Variants in PKD1 observed in about 807,000 individuals in gnomAD.
The protein encoded by PKD1 is polycystin 1, transient receptor potential channel interacting, also known as polycystin-1.
A neutral mutation model predicts 361.7 loss-of-function variants in PKD1; 81 were observed. That is an observed-to-expected ratio of 0.22 (90% CI 0.19 to 0.27). The LOEUF is 0.27. Among genes scored for constraint, PKD1 ranks in the 10% least tolerant of loss-of-function variants. The pLI, the probability that PKD1 is intolerant of heterozygous loss-of-function variation, is 1.00. For missense variants in PKD1, 6,399 were observed against 6,118.3 expected (o/e 1.05, Z -1.53); for synonymous variants, 3,615 against 2,818.3 (o/e 1.28, Z -8.95).
chr16:2,105,491 G>A lies in PKD1; in HGVS notation c.7864-17C>T, dbSNP rs1332479976. The A allele has an allele frequency of 2.5e-6, 4 of 1,594,980 alleles. No homozygotes were observed. The highest frequency in any genetic ancestry group is 3.4e-6 in the Non-Finnish European group (4 of 1,178,976). On this transcript the variant is annotated splice_polypyrimidine_tract_variant and intron_variant, in intron 20 of 45. Transcript: ENST00000262304. ...CCGCTCGTACTGGGGCAGGCAGGGG[G>A]CACAGCAAGCTGTCAGCAGCGCAGG...
intron 1 of PKD1, among the ~76,000 whole-genome samples, chr16:2,122,498 C>T (rs1224142686): frequency 1.3e-5 from 2 of 152,220 alleles, no homozygotes; most frequent in Non-Finnish European, 2.9e-5. Context: ...CCCCACTGCC[C>T]ATAAGGATGG....
In PKD1 at chr16:2,106,246, G is replaced by A. The variant is rs748161282; in HGVS notation, c.7548C>T (p.Arg2516=). 4 of 1,610,150 alleles carry A rather than the reference G, an allele frequency of 2.5e-6. No homozygotes were observed. Among genetic ancestry groups the A allele is most frequent in the Non-Finnish European group, 2.5e-6 (3 of 1,179,576 alleles). ...ACTCCTCGCAGTGGCCCTGGCGACA[G>A]CGCCGCAGCAGCAGGGCGTACACCA... is the stretch of plus-strand genomic sequence containing the variant. The part of the protein sequence containing the change: ...APLVYALLLR[R]CRQGHCEEFC... Residue 2516 remains arginine, a synonymous_variant, in exon 19 of 46, where the codon CGC becomes CGT. Transcript: ENST00000262304. This position sits in a 1 kb window ranked among gnomAD's most constrained non-coding sequence, Gnocchi z 6.5.
rs917723242 is a variant in PKD1 at position 2,125,905 on chromosome 16, G to A, written c.216-6527C>T. The stretch of plus-strand genomic sequence containing the variant: ...CTGATGGGCACACTGAGGCTCAAGG[G>A]GCCCTCCTCCTCCCCCAACACCATC... On this transcript the variant is annotated intron_variant, in intron 1 of 45. Coordinates refer to ENST00000262304, the MANE Select transcript of PKD1 (RefSeq NM_001009944.3). Among the ~76,000 whole-genome samples the A allele has an allele frequency of 2.0e-5, 3 of 152,120 alleles. No homozygotes were observed. The East Asian group carries it at 5.8e-4, about 29-fold the overall frequency.
chr16:2,116,778 G>C, intron 7 of PKD1, 55 bp downstream of exon 7: 2 of 1,200,412 alleles, frequency 1.7e-6, no homozygotes, highest in Admixed American at 2.0e-5. Context: ...GCGGGCGCTC[G>C]GCAGGCCCCT....
Position 2,113,199 on chromosome 16 carries a change from T to C in PKD1, c.2947A>G (p.Asn983Asp). 2.3e-6 allele frequency: 3 copies of C among 1,319,548 alleles called. No homozygotes were observed. Among genetic ancestry groups the C allele is most frequent in the South Asian group, 2.3e-5 (2 of 85,594 alleles). The allele number at this position is 1,319,548 out of a possible 1,614,324, so 81.7% of individuals were successfully genotyped here. A position where few individuals can be genotyped will look rare whatever the true frequency, so the allele number is the denominator to read the frequency against. The change falls in exon 12 of 46, where the codon AAT becomes GAT. Residue 983 changes from asparagine to aspartate, a missense_variant. By Grantham distance (23) the Asn-to-Asp change is conservative. Transcript: ENST00000262304. ...ACCGCCGCGCTCTGATAAATGACAT[T>C]GAAGACCACGTTCTGGAAGGTCAGG... ...QSLTFQNVVF[N>D]VIYQSAAVFK...
At chr16:2,128,774 G>A (rs2092830128) in intron 1 of PKD1, among the ~76,000 whole-genome samples, 1 of 151,896 alleles carries the variant, frequency 6.6e-6, no homozygotes, top group African/African-American at 2.4e-5. Context: ...GTGCAATCTT[G>A]CCTCACTGCG....
Position 2,090,114 on chromosome 16 carries a change from C to G in PKD1, c.12525G>C (p.Val4175=). ...CATCGGAGCCAGCGCTGGGTGGGGG[C>G]ACATCCGGGGATACCTTGGAGCCCC... ...SSRGSKVSPD[V]PPPSAGSDAS... Residue 4175 remains valine (V), a synonymous_variant, in exon 46 of 46, where the codon GTG becomes GTC. Coordinates refer to ENST00000262304, the MANE Select transcript of PKD1 (RefSeq NM_001009944.3). The G allele has an allele frequency of 6.2e-7, 1 of 1,601,850 alleles. No individual in the cohort carries two copies. Among genetic ancestry groups the G allele is most frequent in the Non-Finnish European group, 8.5e-7 (1 of 1,172,986 alleles).
Position 2,092,146 on chromosome 16 carries a change from G to A in PKD1, c.11312C>T (p.Ser3771Leu), listed in dbSNP as rs757584312. 26 of 1,612,404 alleles carry A rather than the reference G, an allele frequency of 1.6e-5. No individual in the cohort carries two copies. Among genetic ancestry groups the A allele is most frequent in the Non-Finnish European group, 1.8e-5 (21 of 1,179,830 alleles). Residue 3771 changes from serine to leucine, a missense_variant, in exon 40 of 46, where the codon TCG (serine) becomes TTG (leucine). By Grantham distance (145) the Ser-to-Leu change is moderately radical. Coordinates refer to ENST00000262304, the MANE Select transcript of PKD1 (RefSeq NM_001009944.3). ...GCTGGTGCTGAAGCCTCCTGCGGCC[G>A]AGCACGTGTGGACCCTGGGGCCGGG... is the stretch of plus-strand genomic sequence containing the variant. ...DPPGPRVHTC[S>L]AAGGFSTSDY...
chr16:2,094,864 G>A (rs572616965), intron 34 of PKD1: 5 of 153,576 alleles, frequency 3.3e-5, no homozygotes, highest in South Asian at 2.1e-4. Context: ...GCCGAGTCCC[G>A]GGCTCTCAGG....
rs773274334 is a variant in PKD1 at position 2,103,874 on chromosome 16, C to G, written c.8183G>C (p.Ser2728Thr). ...GGGCTGTGGTGCCCGCACGTCCGAG[C>G]TGGCCAGGTGGATGAGGTCTCCTGC... The part of the protein sequence containing the change: ...NITGDLIHLA[S>T]SDVRAPQPSE... Residue 2728 changes from serine (S) to threonine (T), a missense_variant, in exon 23 of 46, where the codon AGC becomes ACC. By Grantham distance (58) the Ser-to-Thr change is moderately conservative. Coordinates refer to ENST00000262304, the MANE Select transcript of PKD1 (RefSeq NM_001009944.3). The G allele has an allele frequency of 6.4e-7, 1 of 1,553,912 alleles. No homozygotes were observed. Among genetic ancestry groups the G allele is most frequent in the Admixed American group, 1.8e-5 (1 of 56,542 alleles).
chr16:2,109,014 G>A lies in PKD1; in HGVS notation c.6153C>T (p.Arg2051=). The A allele has an allele frequency of 6.2e-7, 1 of 1,610,492 alleles. No individual in the cohort carries two copies. Among genetic ancestry groups the A allele is most frequent in the Non-Finnish European group, 8.5e-7 (1 of 1,179,076 alleles). The change falls in exon 15 of 46, where the codon CGC becomes CGT. Residue 2051 remains arginine (R), a synonymous_variant. Coordinates refer to ENST00000262304, the MANE Select transcript of PKD1 (RefSeq NM_001009944.3). ...CGTCCTGAACCTCCAGCACCAGCGT[G>A]CGGTTCTCACTGCCCAGGGCGTTGA... is the stretch of plus-strand genomic sequence containing the variant. ...RAFNALGSEN[R]TLVLEVQDAV...
chr16:2,090,121 G>A lies in PKD1; in HGVS notation c.12518C>T (p.Pro4173Leu), dbSNP rs778397103. The A allele has an allele frequency of 1.1e-5, 17 of 1,599,918 alleles. No individual in the cohort carries two copies. Among genetic ancestry groups the A allele is most frequent in the South Asian group, 5.5e-5 (5 of 90,224 alleles). The change falls in exon 46 of 46, where the codon CCG becomes CTG. Residue 4173 changes from proline to leucine, a missense_variant. Physicochemically the swap from Pro to Leu is moderately conservative, Grantham distance 98. Coordinates refer to ENST00000262304, the MANE Select transcript of PKD1 (RefSeq NM_001009944.3). ...SRSSRGSKVS[P>L]DVPPPSAGSD... is the part of the protein sequence containing the mutation. ...GCCAGCGCTGGGTGGGGGCACATCC[G>A]GGGATACCTTGGAGCCCCTGGAGGA... is the stretch of plus-strand genomic sequence containing the variant.
At position 2,106,764 on chromosome 16, in the gene PKD1, G is replaced by T. The variant is rs1275853319; in HGVS notation, c.7209+41C>A. The T allele has an allele frequency of 2.7e-6, 4 of 1,504,226 alleles. No individual in the cohort carries two copies. Among genetic ancestry groups the T allele is most frequent in the East Asian group, 4.5e-5 (2 of 44,214 alleles). 93.2% of individuals were successfully genotyped at this position (1,504,226 alleles called of 1,614,324 possible). A position where few individuals can be genotyped will look rare whatever the true frequency, so the allele number is the denominator to read the frequency against. On this transcript the variant is annotated intron_variant, in intron 17 of 45. Coordinates refer to ENST00000262304, the MANE Select transcript of PKD1 (RefSeq NM_001009944.3). The surrounding 1 kb of genome is among the most constrained non-coding windows in gnomAD (Gnocchi z 6.5). ...TGCAGGCCCCGTCCCCTCGGCCATGGGACCCATCCCCAGCCCGCCCACACC... is the reference window on the plus strand; with the variant it reads ...TGCAGGCCCCGTCCCCTCGGCCATGTGACCCATCCCCAGCCCGCCCACACC...
chr16:2,097,118 TC>T (rs776719311), intron 34 of PKD1, 29 bp downstream of exon 34: 6 of 1,206,818 alleles, frequency 5.0e-6, no homozygotes, highest in South Asian at 2.6e-5. Flanking sequence ...CCTCTGGCAA[TC>T]CCCCCTCCCC....
Position 2,100,143 on chromosome 16 carries a change from G to T in PKD1, c.9712+23C>A. The T allele has an allele frequency of 6.2e-7, 1 of 1,605,522 alleles. No individual in the cohort carries two copies. The highest frequency in any genetic ancestry group is 8.5e-7 in the Non-Finnish European group (1 of 1,175,426). On this transcript the variant is annotated intron_variant, in intron 28 of 45. Transcript: ENST00000262304. The surrounding 1 kb of genome is among the most constrained non-coding windows in gnomAD (Gnocchi z 4.4). ...CACCCTGCCCAACCTCCCACGGAGTGGGAACATGGAACGAGGCCTTACTCG... is the reference window on the plus strand; with the variant it reads ...CACCCTGCCCAACCTCCCACGGAGTTGGAACATGGAACGAGGCCTTACTCG...
Position 2,109,170 on chromosome 16 carries a change from G to C in PKD1, c.5997C>G (p.Gly1999=). 1 of 1,600,384 alleles carries C rather than the reference G, an allele frequency of 6.2e-7. No homozygotes were observed. The highest frequency in any genetic ancestry group is 8.5e-7 in the Non-Finnish European group (1 of 1,172,972). Residue 1999 remains glycine (G), a synonymous_variant, in exon 15 of 46, where the codon GGC becomes GGG. Transcript: ENST00000262304. ...AGTACCAGGCGTAGGCGACCCGAGA[G>C]CCGCGCTGCACGCGGGCTGTGAAGT... The part of the protein sequence containing the change: ...ERNFTARVQR[G]SRVAYAWYFS...
intron 30 of PKD1, chr16:2,099,209 A>G (rs998974440): frequency 2.9e-6 from 1 of 347,290 alleles, no homozygotes; most frequent in Non-Finnish European, 5.6e-6. Flanking sequence ...AGATCCGCCC[A>G]CCTCGGCCAC....
intron 22 of PKD1, among the ~76,000 whole-genome samples, chr16:2,104,240 G>A (rs1418586464): frequency 4.3e-5 from 2 of 46,114 alleles, no homozygotes; most frequent in Admixed American, 3.4e-4. Context: ...AGGAAGATGA[G>A]GGGAATGGAC....
rs369229702 is a variant in PKD1 at position 2,100,593 on chromosome 16, G to A, written c.9398-27C>T. On this transcript the variant is annotated intron_variant, in intron 26 of 45. Transcript: ENST00000262304. The surrounding 1 kb of genome is among the most constrained non-coding windows in gnomAD (Gnocchi z 4.4). ...TGGGAGGCAAGAGGGAGGGGTGGGAGGCTCGGTCTGCTGCCCAACACGTGT... is the reference window on the plus strand; with the variant it reads ...TGGGAGGCAAGAGGGAGGGGTGGGAAGCTCGGTCTGCTGCCCAACACGTGT... 7.5e-5 allele frequency: 120 copies of A among 1,599,130 alleles called. No individual in the cohort carries two copies. Among genetic ancestry groups the A allele is most frequent in the Non-Finnish European group, 9.6e-5 (113 of 1,172,786 alleles).
Sources: allele counts gnomAD v4.1 joint callset (sites outside exome capture counted in the v4.1 genomes callset), GRCh38; gene constraint gnomAD v4.1.1; non-coding constraint Gnocchi (gnomAD v3.1); transcripts MANE v1.5; gene names NCBI Gene and HGNC (gene_info 2026-07-23, HGNC 2026-07-21).